The following TLN2 variants were observed in gnomAD, a reference collection of about 807,000 sequenced individuals.
The protein encoded by TLN2 is talin 2.
Under a neutral mutation model 294.7 loss-of-function variants are expected in TLN2, and 118 were observed. That is an observed-to-expected ratio of 0.40 (90% CI 0.34 to 0.47). TLN2 has a LOEUF of 0.47. Among genes scored for constraint, TLN2 ranks in the 20% least tolerant of loss-of-function variants. The pLI, the probability that TLN2 is intolerant of heterozygous loss-of-function variation, is 0.84. For synonymous variants in TLN2, 1,431 were observed against 1,304.5 expected (o/e 1.10, Z -2.09); for missense variants, 3,083 against 3,282.2 (o/e 0.94, Z 1.48).
chr15:62,751,908 A>G (rs1365747741), intron 34 of TLN2, among the ~76,000 whole-genome samples: 1 of 152,248 alleles, frequency 6.6e-6, no homozygotes, highest in Non-Finnish European at 1.5e-5. Context: ...GTCAGTAACT[A>G]GACAAATGAT....
intron 1 of TLN2, among the ~76,000 whole-genome samples, chr15:62,462,713 T>C (rs970532023): frequency 6.6e-6 from 1 of 152,194 alleles, no homozygotes; most frequent in Non-Finnish European, 1.5e-5. Context: ...TCTTGCCAGC[T>C]GGGCTCTGGG....
chr15:62,582,246 A>ACACACACC lies in TLN2; in HGVS notation c.-237-7439_-237-7438insCACACCCA, dbSNP rs764248336. Among the ~76,000 whole-genome samples, 158 of 137,310 alleles carry ACACACACC rather than the reference A, an allele frequency of 1.2e-3. 5 individuals are homozygous for ACACACACC. The highest frequency in any genetic ancestry group is 6.0e-3 in the Admixed American group (79 of 13,276). The allele number at this position is 137,310 out of a possible 152,430, so 90.1% of individuals were successfully genotyped here. Reference sequence around the variant, plus strand: ...CACACACACACACACACACACACACACATTCATGCCTGACCCATTCCTGAC... The same window carrying ACACACACC: ...CACACACACACACACACACACACACACACACACCCATTCATGCCTGACCCATTCCTGAC... On this transcript the variant is annotated intron_variant, in intron 1 of 58. Coordinates refer to ENST00000636159, the MANE Select transcript of TLN2 (RefSeq NM_015059.3).
At chr15:62,607,042 A>G (rs964462243) in intron 2 of TLN2, among the ~76,000 whole-genome samples, 9 of 152,026 alleles carry the variant, frequency 5.9e-5, no homozygotes, top group African/African-American at 2.2e-4. Flanking sequence ...TCATCTCCGG[A>G]TGAGTTTTCC....
chr15:62,639,239 CTATATCTATATCTATATCTATGTG>C (rs1435753116), intron 3 of TLN2, among the ~76,000 whole-genome samples: 1 of 34,540 alleles, frequency 2.9e-5, no homozygotes, highest in African/African-American at 8.2e-5. Context: ...AGATCTATAT[CTATATCTATATCTATATCTATGTG>C]TATATCTATA....
At chr15:62,533,162 G>T (rs990157947) in intron 1 of TLN2, among the ~76,000 whole-genome samples, 5 of 147,532 alleles carry the variant, frequency 3.4e-5, no homozygotes, top group African/African-American at 5.0e-5. Context: ...GCTGAAGCAG[G>T]AGAATCGCTT....
intron 2 of TLN2, among the ~76,000 whole-genome samples, chr15:62,610,330 T>C (rs1203928850): frequency 6.6e-6 from 1 of 152,238 alleles, no homozygotes; most frequent in Admixed American, 6.5e-5. Context: ...CTTGGGTTCC[T>C]GTAGGATTCT....
chr15:62,724,897 G>T lies in TLN2; in HGVS notation c.3127-79G>T, dbSNP rs1016960450. The stretch of plus-strand genomic sequence containing the variant: ...AGAATCACTGGGTATATCCAGAAGG[G>T]CATTTTATAAGTTGCAAAAGTGTTG... On this transcript the variant is annotated intron_variant, in intron 26 of 58. Coordinates refer to ENST00000636159, the MANE Select transcript of TLN2 (RefSeq NM_015059.3). 1.5e-5 allele frequency: 23 copies of T among 1,520,158 alleles called. 1 individual carries two copies. The Admixed American group carries it at 4.3e-4, about 29-fold the overall frequency. The allele number at this position is 1,520,158 out of a possible 1,614,324, so 94.2% of individuals were successfully genotyped here.
At chr15:62,720,921 T>A (rs2140915821) in intron 25 of TLN2, among the ~76,000 whole-genome samples, 1 of 152,302 alleles carries the variant, frequency 6.6e-6, no homozygotes, top group South Asian at 2.1e-4. Context: ...AACAGCTTAT[T>A]TTTATCTTTA....
At chr15:62,785,035 A>T (rs767578871) in intron 45 of TLN2, among the ~76,000 whole-genome samples, 2 of 152,226 alleles carry the variant, frequency 1.3e-5, no homozygotes. Flanking sequence ...GGAGTACCAT[A>T]TATGTATGTA....
chr15:62,661,576 T>G lies in TLN2; in HGVS notation c.788+3678T>G, dbSNP rs183128563. 3.9e-3 allele frequency among the ~76,000 whole-genome samples: 589 copies of G among 152,266 alleles called. 3 individuals carry two copies. Among genetic ancestry groups the G allele is most frequent in the Non-Finnish European group, 5.7e-3 (390 of 67,988 alleles). The stretch of plus-strand genomic sequence containing the variant: ...TGAAAAGAACGTATGGAATAAGATA[T>G]GGTAAACACTTTTAAATATATTAGG... On this transcript the variant is annotated intron_variant, in intron 9 of 58. Coordinates refer to ENST00000636159, the MANE Select transcript of TLN2 (RefSeq NM_015059.3).
In TLN2 at chr15:62,700,311, G is replaced by C. The variant is rs2058636797; in HGVS notation, c.1588-795G>C. 3.3e-5 allele frequency among the ~76,000 whole-genome samples: 5 copies of C among 152,334 alleles called. No individual in the cohort carries two copies. The South Asian group carries it at 1.0e-3, about 32-fold the overall frequency. On this transcript the variant is annotated intron_variant, in intron 16 of 58. Transcript: ENST00000636159. ...TATTTTTGGGATGTTTTGGGAAGCA[G>C]ATGAGCACCTTACTGCAGGGTCATC... is the stretch of plus-strand genomic sequence containing the variant.
At chr15:62,526,452 T>C (rs1302580117) in intron 1 of TLN2, among the ~76,000 whole-genome samples, 3 of 152,164 alleles carry the variant, frequency 2.0e-5, no homozygotes, top group Admixed American at 1.3e-4. Flanking sequence ...CTCAATGATA[T>C]GCGTCGCTGG....
intron 1 of TLN2, among the ~76,000 whole-genome samples, chr15:62,463,255 C>T (rs1050648462): frequency 1.3e-5 from 2 of 152,160 alleles, no homozygotes; most frequent in Non-Finnish European, 2.9e-5. Context: ...TCTGACCGTC[C>T]GCCCACCTCT....
At chr15:62,576,620 T>C (rs1312102193) in intron 1 of TLN2, among the ~76,000 whole-genome samples, 1 of 146,450 alleles carries the variant, frequency 6.8e-6, no homozygotes, top group Non-Finnish European at 1.5e-5. Context: ...TTTTTTTGCA[T>C]TTTAAGAGAC....
chr15:62,419,355 T>C (rs1161606020), intron 1 of TLN2, among the ~76,000 whole-genome samples: 1 of 152,250 alleles, frequency 6.6e-6, no homozygotes, highest in African/African-American at 2.4e-5. Flanking sequence ...AGTGTTGCCC[T>C]AGGCCTTGGC....
intron 37 of TLN2, 127 bp from the exon 38 acceptor site, chr15:62,761,554 T>C (rs1214377691): frequency 7.5e-7 from 1 of 1,331,404 alleles, no homozygotes; most frequent in Admixed American, 1.9e-5. Context: ...ATTTATTGTT[T>C]ATGAAGTCAC....
chr15:62,579,639 A>C (rs2044737971), intron 1 of TLN2, among the ~76,000 whole-genome samples: 1 of 152,166 alleles, frequency 6.6e-6, no homozygotes, highest in Non-Finnish European at 1.5e-5. Flanking sequence ...GTGAGTATTC[A>C]TAGGAACGTG....
intron 10 of TLN2, among the ~76,000 whole-genome samples, chr15:62,674,428 G>A (rs184665368): frequency 3.9e-4 from 59 of 152,090 alleles, no homozygotes; most frequent in African/African-American, 1.3e-3. Context: ...AATTTCATGC[G>A]TATAAAACAT....
rs575249135 is a variant in TLN2 at position 62,651,858 on chromosome 15, T to C, written c.235-147T>C. The C allele has an allele frequency of 1.5e-5, 15 of 1,013,554 alleles. No individual in the cohort carries two copies. The East Asian group carries it at 1.8e-4, about 12-fold the overall frequency. The allele number at this position is 1,013,554 out of a possible 1,614,324, so 62.8% of individuals were successfully genotyped here. ...AGTGGCAACAATCCCCTGAAAACTT[T>C]GAAAGGTTTTCAAAGATGTTTTAGA... On this transcript the variant is annotated intron_variant, in intron 5 of 58. Transcript: ENST00000636159.
Sources: allele counts gnomAD v4.1 joint callset (sites outside exome capture counted in the v4.1 genomes callset), GRCh38; gene constraint gnomAD v4.1.1; transcripts MANE v1.5; gene names NCBI Gene and HGNC (gene_info 2026-07-23, HGNC 2026-07-21).